SERINC5: variants seen among roughly 807,000 people sequenced by gnomAD.
The protein encoded by SERINC5 is serine incorporator 5, also known as chromosome 5 open reading frame 12.
SERINC5 carries 41 observed loss-of-function variants against 63.1 expected under a neutral mutation model. The observed-to-expected ratio is 0.65, with a 90% CI of 0.51 to 0.84. The LOEUF (loss-of-function observed/expected upper bound fraction) is 0.84. Among genes scored for constraint, SERINC5 ranks in the 40% least tolerant of loss-of-function variants. The pLI is 0.00. For synonymous variants in SERINC5, 222 were observed against 215.2 expected, an observed-to-expected ratio of 1.03 and a Z score of -0.28; for missense variants, 523 against 573.0, an observed-to-expected ratio of 0.91 and a Z score of 0.89.
chr5:80,225,146 GC>G (rs1751114174), intron 1 of SERINC5, among the ~76,000 whole-genome samples: 1 of 152,070 alleles, frequency 6.6e-6, no homozygotes. Context: ...TCACCATGTT[GC>G]CCAGTCTGGT....
intron 8 of SERINC5, among the ~76,000 whole-genome samples, chr5:80,152,091 G>A (rs547980345): frequency 1.3e-5 from 2 of 152,332 alleles, no homozygotes; most frequent in South Asian, 2.1e-4. Context: ...TTGAACTGAT[G>A]CATGCTAATC....
intron 1 of SERINC5, among the ~76,000 whole-genome samples, chr5:80,212,193 T>A (rs534964056): frequency 1.3e-5 from 2 of 152,266 alleles, no homozygotes; most frequent in South Asian, 4.1e-4. Flanking sequence ...ATAATACTGT[T>A]CCTTAATAAA....
chr5:80,198,070 C>T (rs1416187314), intron 2 of SERINC5, among the ~76,000 whole-genome samples: 1 of 152,050 alleles, frequency 6.6e-6, no homozygotes, highest in Non-Finnish European at 1.5e-5. Context: ...GATCTCTTGA[C>T]CTTGTGATCC....
chr5:80,149,148 A>G (rs1270349191), intron 9 of SERINC5, among the ~76,000 whole-genome samples: 1 of 152,214 alleles, frequency 6.6e-6, no homozygotes, highest in Non-Finnish European at 1.5e-5. Flanking sequence ...GACTGAGAAG[A>G]AAAACATCCT....
At chr5:80,166,238 C>G (rs147372939) in intron 7 of SERINC5, 145 bp downstream of exon 7, 168 of 597,196 alleles carry the variant, frequency 2.8e-4, no homozygotes, top group African/African-American at 2.8e-3. Context: ...TCATCCTAAC[C>G]TCCTCCCAAA....
At chr5:80,245,609 AT>A (rs5869028) in intron 1 of SERINC5, among the ~76,000 whole-genome samples, 12 of 150,394 alleles carry the variant, frequency 8.0e-5, no homozygotes, top group African/African-American at 2.9e-4. Context: ...GTGAATATTT[AT>A]TTTTTTTTAT....
At chr5:80,248,606 C>T (rs536286259) in intron 1 of SERINC5, among the ~76,000 whole-genome samples, 2 of 152,356 alleles carry the variant, frequency 1.3e-5, no homozygotes, top group African/African-American at 4.8e-5. Flanking sequence ...ATTTAGCCAA[C>T]ATCAACCAAA....
chr5:80,230,777 CTCTCTT>C (rs773898349), intron 1 of SERINC5, among the ~76,000 whole-genome samples: 12 of 108,548 alleles, frequency 1.1e-4, no homozygotes, highest in Admixed American at 2.0e-4. Context: ...GGTATAATTT[CTCTCTT>C]TCTTTCTTTC....
chr5:80,254,538 G>A (rs1374195102), intron 1 of SERINC5, among the ~76,000 whole-genome samples: 4 of 152,172 alleles, frequency 2.6e-5, no homozygotes, highest in Non-Finnish European at 4.4e-5. Flanking sequence ...CCCCTAAAGA[G>A]CTGTATCATT....
chr5:80,222,739 A>T (rs1036442033), intron 1 of SERINC5, among the ~76,000 whole-genome samples: 20 of 151,570 alleles, frequency 1.3e-4, no homozygotes, highest in Admixed American at 3.3e-4. Flanking sequence ...CACCTGGCTA[A>T]TTTTTTGTAT....
At position 80,146,601 on chromosome 5, in the gene SERINC5, C is replaced by T. The variant is rs143628631; in HGVS notation, c.1094-367G>A. On this transcript the variant is annotated intron_variant, in intron 10 of 11. Coordinates refer to ENST00000507668, the MANE Select transcript of SERINC5 (RefSeq NM_001174072.3). ...CCAAGTAGCTGGGATTACAGGCACA[C>T]GCCACCACGCCCGGCTAATTTTGTA... is the stretch of plus-strand genomic sequence containing the variant. Among the ~76,000 whole-genome samples the T allele has an allele frequency of 2.2e-3, 336 of 152,164 alleles. 1 individual carries two copies. Among genetic ancestry groups the T allele is most frequent in the Middle Eastern group, 0.014 (4 of 294 alleles).
chr5:80,145,291 C>T (rs922803407), intron 11 of SERINC5, among the ~76,000 whole-genome samples: 2 of 151,878 alleles, frequency 1.3e-5, no homozygotes, highest in Admixed American at 6.6e-5. Flanking sequence ...TGCAGTGAGC[C>T]GAGATTGCGC....
At chr5:80,229,050 T>TGGGGGGC (rs1174325559) in intron 1 of SERINC5, among the ~76,000 whole-genome samples, 2 of 94,104 alleles carry the variant, frequency 2.1e-5, no homozygotes, top group African/African-American at 3.9e-5. Context: ...TTTTTTTTTT[T>TGGGGGGC]GGGGATGGAG....
chr5:80,166,748 A>C, intron 6 of SERINC5: 2 of 273,614 alleles, frequency 7.3e-6, no homozygotes, highest in Non-Finnish European at 1.4e-5. Flanking sequence ...CTATGGCTAC[A>C]CTTAAAACAC....
intron 7 of SERINC5, among the ~76,000 whole-genome samples, chr5:80,160,264 T>C (rs35820499): frequency 0.13 from 20,176 of 152,218 alleles, 1,798 homozygotes; most frequent in Admixed American, 0.19. Flanking sequence ...GTGTTGACTG[T>C]TGTAGTGTGA....
Position 80,255,988 on chromosome 5 carries a change from T to G in SERINC5, c.-66A>C. The G allele has an allele frequency of 2.8e-6, 4 of 1,426,062 alleles. No homozygotes were observed. Among genetic ancestry groups the G allele is most frequent in the Non-Finnish European group, 3.7e-6 (4 of 1,087,456 alleles). The allele number at this position is 1,426,062 out of a possible 1,614,324, so 88.3% of individuals were successfully genotyped here. ...CGCCGCACGGGCCCTCCTGGCTGCC[T>G]CGCGCCTCGAGCGCTGGGCTCAGCC... On this transcript the variant is annotated 5_prime_UTR_variant, in exon 1 of 12. Coordinates refer to ENST00000507668, the MANE Select transcript of SERINC5 (RefSeq NM_001174072.3).
chr5:80,219,496 C>T (rs539984584), intron 1 of SERINC5, among the ~76,000 whole-genome samples: 24 of 152,256 alleles, frequency 1.6e-4, no homozygotes, highest in African/African-American at 5.5e-4. Flanking sequence ...TTCCCCCAAA[C>T]AAATAGCCGC....
rs1301585904 is a variant in SERINC5, at chr5:80,150,813, A to G, written c.1053+69T>C. ...GGAATGCAGACTGATAAAGACACAA[A>G]CACAAAAGGCCCTCCTGAGAAATGG... On this transcript the variant is annotated intron_variant, in intron 9 of 11. Coordinates refer to ENST00000507668, the MANE Select transcript of SERINC5 (RefSeq NM_001174072.3). 14 of 1,086,022 alleles carry G rather than the reference A, an allele frequency of 1.3e-5. No homozygotes were observed. In the East Asian group the frequency reaches 3.3e-4, roughly 26 times the overall value. 67.3% of individuals were successfully genotyped at this position (1,086,022 alleles called of 1,614,324 possible).
chr5:80,158,552 C>T, intron 8 of SERINC5: 1 of 347,612 alleles, frequency 2.9e-6, no homozygotes, highest in Non-Finnish European at 5.3e-6. Context: ...GGCAACGGTG[C>T]TGCAACATGC....
Sources: gnomAD v4.1 joint callset for allele counts (sites outside exome capture counted in the v4.1 genomes callset) on GRCh38, gnomAD v4.1.1 for gene constraint, MANE v1.5 for transcripts, NCBI Gene and HGNC (gene_info 2026-07-23, HGNC 2026-07-21) for gene names.